DUSP29: variants seen among roughly 807,000 people sequenced by gnomAD.
DUSP29 encodes dual specificity phosphatase 29, also known as atypical dual-specific protein phosphatase.
A neutral mutation model predicts 13.5 loss-of-function variants in DUSP29; 12 were observed. The ratio of observed to expected loss-of-function variants is 0.89; its 90% CI spans 0.57 to 1.44. The LOEUF is 1.44. DUSP29 is among the 40% of genes most tolerant of loss of function. The pLI is 0.00. For missense variants in DUSP29, 308 were observed against 301.1 expected (o/e 1.02, Z -0.17); for synonymous variants, 134 against 128.7 (o/e 1.04, Z -0.28).
At chr10:75,065,374 T>C (rs1847174459) in intron 1 of DUSP29, among the ~76,000 whole-genome samples, 1 of 151,942 alleles carries the variant, frequency 6.6e-6, no homozygotes, top group East Asian at 1.9e-4. Context: ...CTTTTTTCTT[T>C]TTTTTTTTGA....
chr10:75,047,244 TCA>T (rs1491382431), intron 2 of DUSP29, among the ~76,000 whole-genome samples: 1 of 152,150 alleles, frequency 6.6e-6, no homozygotes, highest in Non-Finnish European at 1.5e-5. Flanking sequence ...CTTCATTCAC[TCA>T]GAGTTCAGTT....
At chr10:75,049,518 C>T (rs561289943) in intron 2 of DUSP29, among the ~76,000 whole-genome samples, 4 of 152,336 alleles carry the variant, frequency 2.6e-5, no homozygotes, top group South Asian at 4.1e-4. Flanking sequence ...CTTCTCTCCC[C>T]GACCGTCTTG....
intron 3 of DUSP29, among the ~76,000 whole-genome samples, chr10:75,040,032 T>G (rs533287457): frequency 2.0e-5 from 3 of 151,758 alleles, no homozygotes; most frequent in Non-Finnish European, 4.4e-5. Context: ...AATACAAAAA[T>G]TCACCAGGTG....
chr10:75,073,351 A>G (rs1589872983), intron 1 of DUSP29, among the ~76,000 whole-genome samples: 2 of 152,352 alleles, frequency 1.3e-5, no homozygotes, highest in African/African-American at 4.8e-5. Flanking sequence ...ATGGTCGTTG[A>G]ACTGGAAGTT....
rs140666280 is a variant in DUSP29, at chr10:75,061,695, G to A, written c.-34-3147C>T. ...GCTGTCCCAGTGGGGTGGGAGGCCC[G>A]GTCTTTGGCCCAGAATGCAGCTGCA... is the stretch of plus-strand genomic sequence containing the variant. On this transcript the variant is annotated intron_variant, in intron 1 of 3. Transcript: ENST00000338487. 6.2e-3 allele frequency among the ~76,000 whole-genome samples: 950 copies of A among 152,316 alleles called. 7 individuals carry two copies. Among genetic ancestry groups the A allele is most frequent in the Middle Eastern group, 0.048 (14 of 294 alleles).
intron 1 of DUSP29, among the ~76,000 whole-genome samples, chr10:75,071,538 G>A (rs555923592): frequency 6.6e-6 from 1 of 152,328 alleles, no homozygotes. Context: ...CAACCCAGGT[G>A]TCAGCCATGA....
intron 1 of DUSP29, among the ~76,000 whole-genome samples, chr10:75,063,175 T>C (rs1445186968): frequency 6.6e-6 from 1 of 152,212 alleles, no homozygotes; most frequent in African/African-American, 2.4e-5. Flanking sequence ...GGGCAGCAGC[T>C]TGCTGTCCCA....
At chr10:75,050,149 C>G (rs1846796037) in intron 2 of DUSP29, among the ~76,000 whole-genome samples, 1 of 152,138 alleles carries the variant, frequency 6.6e-6, no homozygotes, top group African/African-American at 2.4e-5. Context: ...TAGGAATTTG[C>G]AATCACTTTG....
At chr10:75,066,979 A>T (rs1847218241) in intron 1 of DUSP29, among the ~76,000 whole-genome samples, 1 of 137,306 alleles carries the variant, frequency 7.3e-6, no homozygotes. Context: ...TTTCTTTGAG[A>T]CAGAGTCTTA....
At chr10:75,058,060 C>T (rs940902902) in intron 2 of DUSP29, among the ~76,000 whole-genome samples, 4 of 152,242 alleles carry the variant, frequency 2.6e-5, no homozygotes, top group Non-Finnish European at 5.9e-5. Context: ...GTCTGAGTCC[C>T]TGATGACCCT....
At chr10:75,051,787 G>A (rs1185943002) in intron 2 of DUSP29, among the ~76,000 whole-genome samples, 1 of 152,222 alleles carries the variant, frequency 6.6e-6, no homozygotes, top group Non-Finnish European at 1.5e-5. Context: ...GCTGCTTTGG[G>A]CAACCCCTGC....
chr10:75,037,854 C>T lies in DUSP29; in HGVS notation c.645G>A (p.Glu215=). The T allele has an allele frequency of 1.9e-6, 3 of 1,607,414 alleles. No homozygotes were observed. Among genetic ancestry groups the T allele is most frequent in the Non-Finnish European group, 2.5e-6 (3 of 1,176,938 alleles). ...GTCGGGCCTACAGCTCCCTGCCATC[C>T]TCCTCCTCACCGTCCTGGCGCTGGG... ...RRSQRQDGEE[E]DGREL The change falls in exon 4 of 4, where the codon GAG becomes GAA. Residue 215 remains glutamate, a synonymous_variant. Coordinates refer to ENST00000338487, the MANE Select transcript of DUSP29 (RefSeq NM_001003892.3).
At chr10:75,064,239 G>A (rs1847147264) in intron 1 of DUSP29, among the ~76,000 whole-genome samples, 1 of 152,012 alleles carries the variant, frequency 6.6e-6, no homozygotes, top group Non-Finnish European at 1.5e-5. Context: ...GCCGGGCACG[G>A]TGGCTCACGC....
chr10:75,071,701 A>G (rs913576538), intron 1 of DUSP29, among the ~76,000 whole-genome samples: 6 of 152,222 alleles, frequency 3.9e-5, no homozygotes, highest in African/African-American at 1.4e-4. Flanking sequence ...AGTGCTGGGT[A>G]GAGAAAGGCA....
chr10:75,051,707 A>T (rs1846833811), intron 2 of DUSP29, among the ~76,000 whole-genome samples: 1 of 152,056 alleles, frequency 6.6e-6, no homozygotes, highest in African/African-American at 2.4e-5. Context: ...GAAAGGAAAA[A>T]CCTAACCGAA....
chr10:75,063,056 T>G (rs1847124508), intron 1 of DUSP29, among the ~76,000 whole-genome samples: 1 of 152,174 alleles, frequency 6.6e-6, no homozygotes, highest in African/African-American at 2.4e-5. Context: ...GGAAGTAGGT[T>G]GGGTGTTAAA....
chr10:75,043,711 G>C (rs977867238), intron 3 of DUSP29, 86 bp downstream of exon 3: 2 of 1,243,630 alleles, frequency 1.6e-6, no homozygotes, highest in African/African-American at 3.0e-5. Context: ...AGTGGGGCGG[G>C]GAAGGGGCGG....
At chr10:75,065,251 T>A (rs1246575178) in intron 1 of DUSP29, among the ~76,000 whole-genome samples, 4 of 152,204 alleles carry the variant, frequency 2.6e-5, no homozygotes, top group Non-Finnish European at 5.9e-5. Context: ...GAGAGATGCA[T>A]AATTCATTTC....
chr10:75,040,446 C>T (rs577037160), intron 3 of DUSP29, among the ~76,000 whole-genome samples: 3 of 152,312 alleles, frequency 2.0e-5, no homozygotes, highest in East Asian at 1.9e-4. Flanking sequence ...TAATTCACCT[C>T]GGAGGATGCC....
Sources: gnomAD v4.1 joint callset for allele counts (sites outside exome capture counted in the v4.1 genomes callset) on GRCh38, gnomAD v4.1.1 for gene constraint, MANE v1.5 for transcripts, NCBI Gene and HGNC (gene_info 2026-07-23, HGNC 2026-07-21) for gene names.